KCTD16: variants seen among roughly 807,000 people sequenced by gnomAD.
KCTD16 encodes BTB/POZ domain-containing protein KCTD16.
KCTD16 carries 13 observed loss-of-function variants against 33.2 expected under a neutral mutation model. The ratio of observed to expected loss-of-function variants is 0.39; its 90% CI spans 0.25 to 0.62. The LOEUF (loss-of-function observed/expected upper bound fraction) is 0.62. KCTD16 is among the 20% of genes least tolerant of loss of function. The pLI is 0.50. For missense variants in KCTD16, 441 were observed against 525.1 expected, an observed-to-expected ratio of 0.84 and a Z score of 1.57; for synonymous variants, 197 against 195.3, an observed-to-expected ratio of 1.01 and a Z score of -0.07.
At chr5:144,473,518 C>A in intron 3 of KCTD16, 142 bp from the exon 4 acceptor site, 3 of 810,916 alleles carry the variant, frequency 3.7e-6, no homozygotes, top group South Asian at 2.0e-5. Context: ...GCAGCCCACC[C>A]TGGGTGCCAC....
intron 3 of KCTD16, among the ~76,000 whole-genome samples, chr5:144,285,857 C>T (rs1755729889): frequency 1.3e-5 from 2 of 151,950 alleles, no homozygotes; most frequent in Non-Finnish European, 1.5e-5. Context: ...TTTTCCAAAA[C>T]TCAAAATACC....
At chr5:144,353,721 T>A (rs1213856411) in intron 3 of KCTD16, among the ~76,000 whole-genome samples, 2 of 152,158 alleles carry the variant, frequency 1.3e-5, no homozygotes, top group African/African-American at 4.8e-5. Flanking sequence ...CTTTCCTAAG[T>A]TTAAGGAACT....
intron 3 of KCTD16, among the ~76,000 whole-genome samples, chr5:144,340,326 C>T (rs1013559170): frequency 5.4e-5 from 8 of 147,922 alleles, no homozygotes; most frequent in Non-Finnish European, 1.2e-4. Flanking sequence ...GGCGTGAACC[C>T]GGGAGGCGTA....
intron 3 of KCTD16, among the ~76,000 whole-genome samples, chr5:144,296,004 T>C (rs1010563436): frequency 1.3e-5 from 2 of 152,222 alleles, no homozygotes; most frequent in Non-Finnish European, 2.9e-5. Flanking sequence ...TAATAAATTT[T>C]CATTGTTTTA....
chr5:144,454,790 T>C lies in KCTD16; in HGVS notation c.833-18870T>C, dbSNP rs1173379458. Among the ~76,000 whole-genome samples, 5 of 152,152 alleles carry C rather than the reference T, an allele frequency of 3.3e-5. No individual in the cohort carries two copies. The East Asian group carries it at 9.6e-4, about 29-fold the overall frequency. ...TATCATTATAGGTATGATGACTATT[T>C]TGGAGAAATTTAGACCTGTAAAAAG... is the stretch of plus-strand genomic sequence containing the variant. On this transcript the variant is annotated intron_variant, in intron 3 of 3. Coordinates refer to ENST00000512467, the MANE Select transcript of KCTD16 (RefSeq NM_020768.4).
At chr5:144,465,217 T>TTC (rs1242155215) in intron 3 of KCTD16, among the ~76,000 whole-genome samples, 1 of 132,552 alleles carries the variant, frequency 7.5e-6, no homozygotes, top group Non-Finnish European at 1.6e-5. Flanking sequence ...CTCTCTCTCT[T>TTC]TCTCTCTCTC....
At chr5:144,472,067 A>T (rs915407229) in intron 3 of KCTD16, among the ~76,000 whole-genome samples, 3 of 152,214 alleles carry the variant, frequency 2.0e-5, no homozygotes, top group Admixed American at 1.3e-4. Flanking sequence ...TACTTTGACT[A>T]TATTAGAAAT....
At chr5:144,378,189 T>A (rs111254338) in intron 3 of KCTD16, among the ~76,000 whole-genome samples, 8,759 of 152,236 alleles carry the variant, frequency 0.058, 837 homozygotes, top group African/African-American at 0.2. Context: ...GGAAGACTAC[T>A]AGCCTGGAGG....
chr5:144,236,267 T>G (rs1273915363), intron 3 of KCTD16, among the ~76,000 whole-genome samples: 6 of 152,090 alleles, frequency 3.9e-5, no homozygotes, highest in South Asian at 2.1e-4. Context: ...TGGATAACAT[T>G]AGGAAAAGCT....
At chr5:144,366,047 T>G (rs1333420296) in intron 3 of KCTD16, among the ~76,000 whole-genome samples, 2 of 152,200 alleles carry the variant, frequency 1.3e-5, no homozygotes, top group Non-Finnish European at 2.9e-5. Context: ...CACTTTTTAA[T>G]GTTTTATTTA....
intron 3 of KCTD16, among the ~76,000 whole-genome samples, chr5:144,426,915 T>C (rs1181415127): frequency 6.6e-6 from 1 of 152,192 alleles, no homozygotes; most frequent in East Asian, 1.9e-4. Flanking sequence ...ATAATGACAA[T>C]TAAATTTCAA....
chr5:144,225,146 G>A (rs1384269541), intron 3 of KCTD16, among the ~76,000 whole-genome samples: 2 of 152,144 alleles, frequency 1.3e-5, no homozygotes, highest in East Asian at 1.9e-4. Flanking sequence ...ATTCAAGGGA[G>A]CCGCCTCACA....
intron 3 of KCTD16, among the ~76,000 whole-genome samples, chr5:144,470,990 G>A (rs1754455720): frequency 6.6e-6 from 1 of 152,134 alleles, no homozygotes; most frequent in African/African-American, 2.4e-5. Flanking sequence ...AGACAAGCCT[G>A]GCTATGGTGA....
chr5:144,411,578 G>A (rs1011758050), intron 3 of KCTD16, among the ~76,000 whole-genome samples: 7 of 152,136 alleles, frequency 4.6e-5, no homozygotes, highest in Admixed American at 4.6e-4. Context: ...AATTATTGAA[G>A]TGTTAGAGAA....
chr5:144,386,621 A>G (rs1365697544), intron 3 of KCTD16, among the ~76,000 whole-genome samples: 1 of 152,254 alleles, frequency 6.6e-6, no homozygotes, highest in Non-Finnish European at 1.5e-5. Context: ...AATGACAGGG[A>G]ACACATTTCC....
intron 3 of KCTD16, among the ~76,000 whole-genome samples, chr5:144,207,807 G>T (rs2126790755): frequency 6.6e-6 from 1 of 152,318 alleles, no homozygotes; most frequent in South Asian, 2.1e-4. Flanking sequence ...TATGTAAAAT[G>T]GAACAAGCAT....
intron 2 of KCTD16, among the ~76,000 whole-genome samples, chr5:144,193,996 G>C (rs192617193): frequency 1.3e-5 from 2 of 152,098 alleles, no homozygotes; most frequent in Non-Finnish European, 2.9e-5. Flanking sequence ...CTTAGGACTC[G>C]AGTGTAAGGT....
chr5:144,222,612 G>A (rs1753794788), intron 3 of KCTD16, among the ~76,000 whole-genome samples: 1 of 152,210 alleles, frequency 6.6e-6, no homozygotes, highest in Non-Finnish European at 1.5e-5. Context: ...ACACCAGTTA[G>A]AATGGCGATC....
intron 3 of KCTD16, among the ~76,000 whole-genome samples, chr5:144,257,906 T>C (rs1022062303): frequency 6.6e-6 from 1 of 152,050 alleles, no homozygotes; most frequent in East Asian, 1.9e-4. Flanking sequence ...GCTCTAAGAG[T>C]TCAGTAAGAC....
Sources: gnomAD v4.1 joint callset for allele counts (sites outside exome capture counted in the v4.1 genomes callset) on GRCh38, gnomAD v4.1.1 for gene constraint, MANE v1.5 for transcripts, NCBI Gene and HGNC (gene_info 2026-07-23, HGNC 2026-07-21) for gene names.